The following NUDCD3 variants were observed in gnomAD, a reference collection of about 807,000 sequenced individuals.
NUDCD3 encodes the protein NudC domain containing 3.
In NUDCD3, 13 loss-of-function variants were observed where a neutral mutation model predicts 39.7. That is an observed-to-expected ratio of 0.33 (90% CI 0.21 to 0.52). NUDCD3 has a LOEUF of 0.52. Among genes scored for constraint, NUDCD3 ranks in the 20% least tolerant of loss-of-function variants. The probability of loss-of-function intolerance (pLI) is 0.96; values close to 1 mark genes in which losing one functional copy is unlikely to be tolerated. For synonymous variants in NUDCD3, 175 were observed against 172.4 expected (o/e 1.02, Z -0.12); for missense variants, 453 against 458.1 (o/e 0.99, Z 0.10).
Position 44,425,129 on chromosome 7 carries a change from C to A in NUDCD3, c.642+2442G>T, listed in dbSNP as rs138672084. 4.9e-4 allele frequency among the ~76,000 whole-genome samples: 75 copies of A among 152,136 alleles called. 2 individuals are homozygous for A. In the East Asian group the frequency reaches 0.012, roughly 24 times the overall value. Reference sequence around the variant, plus strand: ...GACACAGGGAGGGGAACATCATACACCAGGGCCTGCCAAGGGGTCGGGGGA... The same window carrying A: ...GACACAGGGAGGGGAACATCATACAACAGGGCCTGCCAAGGGGTCGGGGGA... On this transcript the variant is annotated intron_variant, in intron 3 of 5. Transcript: ENST00000355451.
intron 3 of NUDCD3, among the ~76,000 whole-genome samples, chr7:44,421,266 A>G (rs7811814): frequency 0.14 from 20,385 of 149,372 alleles, 1,705 homozygotes; most frequent in Non-Finnish European, 0.19. Context: ...CCTGGGAGGC[A>G]GAGGTTGCAG....
At chr7:44,421,107 G>A (rs1799128245) in intron 3 of NUDCD3, among the ~76,000 whole-genome samples, 1 of 152,192 alleles carries the variant, frequency 6.6e-6, no homozygotes, top group Non-Finnish European at 1.5e-5. Context: ...GCCAAGGTGG[G>A]TGGATCACGA....
At chr7:44,464,944 T>C (rs1382479156) in intron 2 of NUDCD3, among the ~76,000 whole-genome samples, 2 of 151,924 alleles carry the variant, frequency 1.3e-5, no homozygotes, top group Admixed American at 1.3e-4. Context: ...ATAACCCACA[T>C]CCATCCCAGG....
At chr7:44,400,485 C>T (rs1798701084) in intron 4 of NUDCD3, among the ~76,000 whole-genome samples, 1 of 152,230 alleles carries the variant, frequency 6.6e-6, no homozygotes, top group Admixed American at 6.5e-5. Context: ...GCTCTGGACG[C>T]CATCCCTTTG....
chr7:44,404,780 A>AG (rs5883898), intron 3 of NUDCD3, among the ~76,000 whole-genome samples, 197 bp from the exon 4 acceptor site: 152,340 of 152,340 alleles, frequency 1, 76,170 homozygotes, highest in Non-Finnish European at 1. Context: ...CAGCTCATTT[A>AG]GTAAATCCAC....
At chr7:44,462,753 C>T (rs1000191679) in intron 2 of NUDCD3, among the ~76,000 whole-genome samples, 2 of 152,142 alleles carry the variant, frequency 1.3e-5, no homozygotes, top group African/African-American at 2.4e-5. Context: ...TTCTTCTGAG[C>T]CTGTAACCTA....
intron 2 of NUDCD3, among the ~76,000 whole-genome samples, chr7:44,480,035 A>C (rs770899095): frequency 6.6e-6 from 1 of 152,234 alleles, no homozygotes; most frequent in East Asian, 1.9e-4. Context: ...GTACCAGTCT[A>C]TTCTGAACAA....
At chr7:44,466,928 C>T (rs1215176734) in intron 2 of NUDCD3, among the ~76,000 whole-genome samples, 1 of 152,222 alleles carries the variant, frequency 6.6e-6, no homozygotes, top group Non-Finnish European at 1.5e-5. Context: ...TCAGACTCTG[C>T]TATGAGGGTC....
At chr7:44,447,931 T>C (rs76696065) in intron 2 of NUDCD3, among the ~76,000 whole-genome samples, 2,536 of 152,184 alleles carry the variant, frequency 0.017, 54 homozygotes, top group African/African-American at 0.057. Flanking sequence ...CTCTGGGAAA[T>C]GGAGGCTCCC....
rs1554489215 is a variant in NUDCD3 at position 44,412,951 on chromosome 7, A to AAAAAAAAAAAG, written c.643-8369_643-8368insCTTTTTTTTTT. 2.3e-4 allele frequency among the ~76,000 whole-genome samples: 33 copies of AAAAAAAAAAAG among 144,490 alleles called. 1 individual carries two copies. Among genetic ancestry groups the AAAAAAAAAAAG allele is most frequent in the Non-Finnish European group, 3.4e-4 (22 of 65,360 alleles). The allele number at this position is 144,490 out of a possible 152,430, so 94.8% of individuals were successfully genotyped here. A position where few individuals can be genotyped will look rare whatever the true frequency, so the allele number is the denominator to read the frequency against. On this transcript the variant is annotated intron_variant, in intron 3 of 5. Transcript: ENST00000355451. ...CAAAAAAAAAAAAAAAAGAAAAAAA[A>AAAAAAAAAAAG]AAAGAAAGAAACCATTGACCATTGG...
intron 3 of NUDCD3, among the ~76,000 whole-genome samples, chr7:44,418,411 A>C (rs1326343135): frequency 6.6e-6 from 1 of 152,210 alleles, no homozygotes; most frequent in African/African-American, 2.4e-5. Context: ...GGAAAAGCAT[A>C]AGGTTTAGAA....
chr7:44,418,159 G>A (rs548430951), intron 3 of NUDCD3, among the ~76,000 whole-genome samples: 5 of 152,152 alleles, frequency 3.3e-5, no homozygotes, highest in Non-Finnish European at 7.3e-5. Flanking sequence ...CAGGACAGGA[G>A]GGCCAGAGGG....
intron 3 of NUDCD3, chr7:44,413,160 G>GT (rs1798962368): frequency 6.6e-6 from 1 of 151,970 alleles, no homozygotes; most frequent in African/African-American, 2.4e-5. Context: ...ATAAAAATTA[G>GT]TAAGGTGAGG....
chr7:44,440,140 C>G (rs538945985), intron 2 of NUDCD3, among the ~76,000 whole-genome samples: 1 of 152,304 alleles, frequency 6.6e-6, no homozygotes, highest in East Asian at 1.9e-4. Flanking sequence ...ATTGGAGGAA[C>G]CTGGCCAACC....
At chr7:44,483,369 A>G (rs1174034508) in intron 2 of NUDCD3, among the ~76,000 whole-genome samples, 2 of 152,208 alleles carry the variant, frequency 1.3e-5, no homozygotes, top group East Asian at 3.8e-4. Context: ...TCCAGCAAAA[A>G]TATCCTCAGA....
chr7:44,391,633 A>T (rs568440971), intron 5 of NUDCD3, among the ~76,000 whole-genome samples: 1 of 152,242 alleles, frequency 6.6e-6, no homozygotes, highest in African/African-American at 2.4e-5. Flanking sequence ...TGCGGCCCAA[A>T]CCCACGTGCT....
In NUDCD3 at chr7:44,490,623, C is replaced by A; in HGVS notation, c.-23G>T. On this transcript the variant is annotated 5_prime_UTR_variant, in exon 1 of 6. Coordinates refer to ENST00000355451, the MANE Select transcript of NUDCD3 (RefSeq NM_015332.4). Reference sequence around the variant, plus strand: ...CATGTCGCCTCCCGCCCTAGGTACGCTTCACACACACAGCGCCGCCTCAGA... The same window carrying A: ...CATGTCGCCTCCCGCCCTAGGTACGATTCACACACACAGCGCCGCCTCAGA... 1 of 1,584,370 alleles carries A rather than the reference C, an allele frequency of 6.3e-7. No individual in the cohort carries two copies. Among genetic ancestry groups the A allele is most frequent in the Non-Finnish European group, 8.6e-7 (1 of 1,165,860 alleles).
intron 4 of NUDCD3, among the ~76,000 whole-genome samples, chr7:44,401,076 A>G (rs1798715056): frequency 6.6e-6 from 1 of 152,182 alleles, no homozygotes; most frequent in South Asian, 2.1e-4. Flanking sequence ...ACGGTGAGAA[A>G]TGGAAGTACA....
intron 3 of NUDCD3, among the ~76,000 whole-genome samples, chr7:44,416,855 AT>A (rs1212005230): frequency 6.6e-6 from 1 of 152,116 alleles, no homozygotes; most frequent in African/African-American, 2.4e-5. Flanking sequence ...CCTGGCTCTT[AT>A]TGGCTGAGAC....
Sources: allele counts gnomAD v4.1 joint callset (sites outside exome capture counted in the v4.1 genomes callset), GRCh38; gene constraint gnomAD v4.1.1; transcripts MANE v1.5; gene names NCBI Gene and HGNC (gene_info 2026-07-23, HGNC 2026-07-21).